Variants in DOCK9 observed in about 807,000 individuals in gnomAD.
DOCK9 encodes dedicator of cytokinesis protein 9.
DOCK9 carries 89 observed loss-of-function variants against 263.3 expected under a neutral mutation model. The ratio of observed to expected loss-of-function variants is 0.34; its 90% CI spans 0.28 to 0.40. The LOEUF is 0.40. DOCK9 is among the 10% of genes least tolerant of loss of function. The probability of loss-of-function intolerance (pLI) is 1.00; values close to 1 mark genes in which losing one functional copy is unlikely to be tolerated. For missense variants in DOCK9, 2,140 were observed against 2,603.4 expected (o/e 0.82, Z 3.87); for synonymous variants, 976 against 973.1 (o/e 1.00, Z -0.06).
intron 27 of DOCK9, among the ~76,000 whole-genome samples, chr13:98,874,810 G>T (rs148387746): frequency 2.0e-5 from 3 of 151,918 alleles, no homozygotes; most frequent in African/African-American, 7.3e-5. Flanking sequence ...CTGTCATCTC[G>T]CCACTCCTAC....
At chr13:98,799,324 T>C (rs948593218) in intron 50 of DOCK9, among the ~76,000 whole-genome samples, 2 of 152,154 alleles carry the variant, frequency 1.3e-5, no homozygotes, top group Non-Finnish European at 2.9e-5. Flanking sequence ...GATAAAACAA[T>C]AGGATATACA....
Position 98,837,502 on chromosome 13 carries a change from C to T in DOCK9, c.4306G>A (p.Ala1436Thr). ...ALDTLSLFTL[A>T]FKNQLLADHG... ...AGCAAATTGATACAAACCTTAAACG[C>T]CAATGTAAATAGAGAAAGCGTGTCC... Residue 1436 changes from alanine to threonine, a missense_variant, in exon 39 of 53, where the codon GCG (alanine) becomes ACG (threonine). Ala to Thr is a moderately conservative substitution (Grantham distance 58, BLOSUM62 0). Around this residue, in one of 2 missense-constraint regions of DOCK9, gnomAD observed 619 missense variants for 861.8 expected, o/e 0.72. Transcript: ENST00000682017. The T allele has an allele frequency of 1.2e-6, 2 of 1,611,072 alleles. No homozygotes were observed. The highest frequency in any genetic ancestry group is 1.7e-6 in the Non-Finnish European group (2 of 1,177,628).
chr13:98,891,443 ATAAG>A (rs1369873456), intron 15 of DOCK9, among the ~76,000 whole-genome samples: 1 of 152,220 alleles, frequency 6.6e-6, no homozygotes, highest in Admixed American at 6.5e-5. Flanking sequence ...ACTTTTAAAT[ATAAG>A]TAAGTATGCA....
intron 49 of DOCK9, among the ~76,000 whole-genome samples, chr13:98,801,645 C>T (rs2090121881): frequency 6.6e-6 from 1 of 152,160 alleles, no homozygotes; most frequent in Non-Finnish European, 1.5e-5. Context: ...AATATTCTCA[C>T]TTGACATATA....
intron 9 of DOCK9, among the ~76,000 whole-genome samples, chr13:98,907,368 G>A (rs889386776): frequency 1.3e-5 from 2 of 152,180 alleles, no homozygotes; most frequent in Non-Finnish European, 2.9e-5. Context: ...AATTCCTAGT[G>A]GCTTTCTGAA....
intron 1 of DOCK9, among the ~76,000 whole-genome samples, chr13:99,045,971 C>T (rs1023781280): frequency 4.6e-5 from 7 of 151,362 alleles, no homozygotes; most frequent in African/African-American, 7.3e-5. Flanking sequence ...TTTGATGGCA[C>T]GTGCCTGTAG....
chr13:98,827,008 G>T (rs2140833324), intron 43 of DOCK9, 121 bp from the exon 44 acceptor site: 2 of 637,672 alleles, frequency 3.1e-6, no homozygotes, highest in Non-Finnish European at 5.2e-6. Context: ...GCACCAGCTA[G>T]TATTTCTAAT....
intron 38 of DOCK9, chr13:98,845,222 G>T: frequency 5.7e-6 from 4 of 700,860 alleles, no homozygotes; most frequent in Non-Finnish European, 8.6e-6. Flanking sequence ...AATCTCTTTT[G>T]TAAAGTTAGA....
intron 15 of DOCK9, among the ~76,000 whole-genome samples, chr13:98,892,332 T>C (rs2046749453): frequency 6.6e-6 from 1 of 152,202 alleles, no homozygotes; most frequent in Non-Finnish European, 1.5e-5. Flanking sequence ...TTGGGGTCCT[T>C]ATCTAAGTGT....
intron 35 of DOCK9, 99 bp from the exon 36 acceptor site, chr13:98,850,212 T>C: frequency 1.2e-6 from 1 of 851,912 alleles, no homozygotes; most frequent in Non-Finnish European, 1.8e-6. Context: ...AGTGTAGGCC[T>C]CTAAACCCTG....
At chr13:98,927,544 C>A (rs1484177883) in intron 3 of DOCK9, among the ~76,000 whole-genome samples, 1 of 151,814 alleles carries the variant, frequency 6.6e-6, no homozygotes, top group Admixed American at 6.6e-5. Context: ...ATGTACCTGC[C>A]CAATTAAAAA....
chr13:98,800,210 G>T, intron 50 of DOCK9, 78 bp downstream of exon 50: 1 of 1,433,300 alleles, frequency 7.0e-7, no homozygotes, highest in Non-Finnish European at 9.4e-7. Flanking sequence ...AGTAGACCTT[G>T]TTAGTGGAAA....
chr13:98,817,451 C>CTTTTTTTTTT lies in DOCK9; in HGVS notation c.5130+6937_5130+6946dup, dbSNP rs10683281. On this transcript the variant is annotated intron_variant, in intron 45 of 52. Transcript: ENST00000682017. ...TGTGAGAACAGACTAATACACCCAGCTTTTTTTTTTTTTTTTTTTTTGGTA... is the reference window on the plus strand; with the variant it reads ...TGTGAGAACAGACTAATACACCCAGCTTTTTTTTTTTTTTTTTTTTTTTTTTTTTTTGGTA... Among the ~76,000 whole-genome samples, 472 of 97,502 alleles carry CTTTTTTTTTT rather than the reference C, an allele frequency of 4.8e-3. 33 individuals are homozygous for CTTTTTTTTTT. The highest frequency in any genetic ancestry group is 5.7e-3 in the Non-Finnish European group (308 of 54,238). 64.0% of individuals were successfully genotyped at this position (97,502 alleles called of 152,430 possible).
intron 1 of DOCK9, among the ~76,000 whole-genome samples, chr13:98,972,668 G>A (rs185398870): frequency 3.3e-5 from 5 of 152,306 alleles, no homozygotes; most frequent in African/African-American, 4.8e-5. Flanking sequence ...TTCGGCCTGC[G>A]CCTTCTGCAA....
Position 98,880,758 on chromosome 13 carries a change from G to A in DOCK9, c.2746-86C>T, listed in dbSNP as rs182342797. 1.7e-3 allele frequency: 2,495 copies of A among 1,502,142 alleles called. 4 individuals are homozygous for A. The highest frequency in any genetic ancestry group is 2.1e-3 in the Non-Finnish European group (2,301 of 1,105,050). 93.1% of individuals were successfully genotyped at this position (1,502,142 alleles called of 1,614,324 possible). On this transcript the variant is annotated intron_variant, in intron 25 of 52. Transcript: ENST00000682017. ...GAGAGACTCCCAAGAATGGAGATCAGGGACTGAGCTACAATATCATTTGTG... is the reference window on the plus strand; with the variant it reads ...GAGAGACTCCCAAGAATGGAGATCAAGGACTGAGCTACAATATCATTTGTG...
intron 2 of DOCK9, among the ~76,000 whole-genome samples, chr13:98,945,251 T>A (rs1176715102): frequency 2.0e-5 from 3 of 152,206 alleles, no homozygotes; most frequent in Non-Finnish European, 4.4e-5. Flanking sequence ...GTAGGCCTGG[T>A]AAGTGGGCTG....
intron 1 of DOCK9, among the ~76,000 whole-genome samples, chr13:99,049,341 C>G (rs568757299): frequency 6.6e-6 from 1 of 152,198 alleles, no homozygotes; most frequent in South Asian, 2.1e-4. Flanking sequence ...GCAGTGTGGT[C>G]AGCCTTGTCA....
intron 2 of DOCK9, among the ~76,000 whole-genome samples, chr13:98,943,955 T>C (rs999549143): frequency 1.6e-4 from 25 of 152,314 alleles, no homozygotes; most frequent in African/African-American, 6.0e-4. Flanking sequence ...CCTCTATCCA[T>C]GCCTGTTGAT....
intron 1 of DOCK9, among the ~76,000 whole-genome samples, chr13:99,004,233 C>T (rs890769515): frequency 6.6e-6 from 1 of 152,216 alleles, no homozygotes; most frequent in Non-Finnish European, 1.5e-5. Context: ...GAGATTATGA[C>T]TCTTTCATAT....
Sources: allele counts gnomAD v4.1 joint callset (sites outside exome capture counted in the v4.1 genomes callset), GRCh38; gene constraint gnomAD v4.1.1; regional missense constraint gnomAD v4.1.1; transcripts MANE v1.5; gene names NCBI Gene and HGNC (gene_info 2026-07-23, HGNC 2026-07-21).